The following ZMIZ1 variants were observed in gnomAD, a reference collection of about 807,000 sequenced individuals.
ZMIZ1 encodes zinc finger MIZ domain-containing protein 1.
A neutral mutation model predicts 113.9 loss-of-function variants in ZMIZ1; 17 were observed. The observed-to-expected ratio is 0.15, with a 90% CI of 0.10 to 0.22. The LOEUF is 0.22. ZMIZ1 is among the 10% of genes least tolerant of loss of function. The pLI, the probability that ZMIZ1 is intolerant of heterozygous loss-of-function variation, is 1.00. For missense variants in ZMIZ1, 1,059 were observed against 1,477.8 expected, an observed-to-expected ratio of 0.72 and a Z score of 4.65; for synonymous variants, 607 against 603.1, an observed-to-expected ratio of 1.01 and a Z score of -0.09.
At chr10:79,135,115 T>C (rs1017388548) in intron 2 of ZMIZ1, among the ~76,000 whole-genome samples, 3 of 152,184 alleles carry the variant, frequency 2.0e-5, no homozygotes, top group African/African-American at 7.2e-5. Context: ...CTGCACCTGG[T>C]TGATACATTT....
chr10:79,082,186 GC>G (rs76308266), intron 1 of ZMIZ1, among the ~76,000 whole-genome samples: 19,833 of 152,290 alleles, frequency 0.13, 1,418 homozygotes, highest in East Asian at 0.2. Flanking sequence ...CTCTGGCTGT[GC>G]CCACCAGAAA....
intron 1 of ZMIZ1, among the ~76,000 whole-genome samples, chr10:79,094,905 C>T (rs556030930): frequency 6.6e-6 from 1 of 151,730 alleles, no homozygotes; most frequent in African/African-American, 2.4e-5. Context: ...GCCACAGTTG[C>T]GCCACTGCAG....
At position 79,289,831 on chromosome 10, in the gene ZMIZ1, C is replaced by T; in HGVS notation, c.482C>T (p.Pro161Leu). 2 of 1,614,114 alleles carry T rather than the reference C, an allele frequency of 1.2e-6. No individual in the cohort carries two copies. The highest frequency in any genetic ancestry group is 1.7e-6 in the Non-Finnish European group (2 of 1,179,942). The change falls in exon 9 of 25, where the codon CCC becomes CTC. Residue 161 changes from proline to leucine, a missense_variant. Pro to Leu is a moderately conservative substitution (Grantham distance 98, BLOSUM62 -3). This residue lies in a region of ZMIZ1 where 272 missense variants were observed against 350.4 expected (regional missense o/e 0.78). Transcript: ENST00000334512. ...TGGCAGCAGAACACCAACCAGCCTC[C>T]CGGCTCCCTTTCCGTGGTCACCACG... ...VPWQQNTNQP[P>L]GSLSVVTTVW...
rs571716871 is a variant in ZMIZ1, at chr10:79,278,704, A to G, written c.425+1379A>G. ...GCACATCTTGCACCGCCCTTAATCC[A>G]TTTAACCCTTAGTGGACACAGCACA... On this transcript the variant is annotated intron_variant, in intron 8 of 24. Coordinates refer to ENST00000334512, the MANE Select transcript of ZMIZ1 (RefSeq NM_020338.4). Among the ~76,000 whole-genome samples the G allele has an allele frequency of 3.3e-4, 50 of 152,060 alleles. No individual in the cohort carries two copies. The South Asian group carries it at 9.0e-3, about 27-fold the overall frequency.
At chr10:79,157,572 T>C (rs703997) in intron 3 of ZMIZ1, among the ~76,000 whole-genome samples, 129,077 of 152,084 alleles carry the variant, frequency 0.85, 55,233 homozygotes, top group African/African-American at 0.94. Context: ...TGGAGCCTCC[T>C]CTGGTGGGTG....
chr10:79,262,971 G>A (rs1176867723), intron 7 of ZMIZ1, among the ~76,000 whole-genome samples: 10 of 152,370 alleles, frequency 6.6e-5, no homozygotes, highest in East Asian at 1.9e-4. Flanking sequence ...AAGTCAAGAC[G>A]TAGAAACATG....
At chr10:79,268,077 C>T (rs928854826) in intron 7 of ZMIZ1, among the ~76,000 whole-genome samples, 12 of 152,208 alleles carry the variant, frequency 7.9e-5, no homozygotes, top group African/African-American at 2.7e-4. Context: ...TAGGGGAGCA[C>T]GGCCTGGGCC....
chr10:79,312,854 A>C lies in ZMIZ1; in HGVS notation c.*105A>C. 1.9e-6 allele frequency: 2 copies of C among 1,080,084 alleles called. No homozygotes were observed. The highest frequency in any genetic ancestry group is 2.9e-5 in the South Asian group (2 of 69,912). 66.9% of individuals were successfully genotyped at this position (1,080,084 alleles called of 1,614,324 possible). A position where few individuals can be genotyped will look rare whatever the true frequency, so the allele number is the denominator to read the frequency against. On this transcript the variant is annotated 3_prime_UTR_variant, in exon 25 of 25. Transcript: ENST00000334512. ...GTGCCCTCAGACCGCCCCGCACCAG[A>C]GCCACGGGCTGTGGGGCGGGGAGCC...
rs770124067 is a variant in ZMIZ1 at position 79,296,161 on chromosome 10, G to A, written c.1231-310G>A. ...AGGCACCAGGAGAGACACAAAGGTC[G>A]GGGGAGTTAGAATCAGGCCCCTCAT... On this transcript the variant is annotated intron_variant, in intron 12 of 24. Coordinates refer to ENST00000334512, the MANE Select transcript of ZMIZ1 (RefSeq NM_020338.4). This position sits in a 1 kb window ranked among gnomAD's most constrained non-coding sequence, Gnocchi z 4.1. 1.6e-4 allele frequency: 63 copies of A among 398,874 alleles called. No homozygotes were observed. Among genetic ancestry groups the A allele is most frequent in the Non-Finnish European group, 2.4e-4 (53 of 219,028 alleles). The allele number at this position is 398,874 out of a possible 1,614,324, so 24.7% of individuals were successfully genotyped here.
intron 1 of ZMIZ1, among the ~76,000 whole-genome samples, chr10:79,074,273 A>G (rs989229203): frequency 4.4e-4 from 67 of 152,200 alleles, no homozygotes; most frequent in Admixed American, 9.8e-4. Flanking sequence ...CCACTGAGTG[A>G]GCGCTCCAGC....
intron 3 of ZMIZ1, among the ~76,000 whole-genome samples, chr10:79,153,441 A>G (rs1475165872): frequency 6.6e-6 from 1 of 152,234 alleles, no homozygotes; most frequent in Non-Finnish European, 1.5e-5. Context: ...CTGTATAAAC[A>G]AAATCCCAGT....
intron 4 of ZMIZ1, among the ~76,000 whole-genome samples, chr10:79,173,222 C>T (rs1401075398): frequency 2.0e-5 from 3 of 152,182 alleles, no homozygotes; most frequent in African/African-American, 4.8e-5. Context: ...ACACGTGGCT[C>T]AGGACGACTT....
chr10:79,228,081 T>G (rs115751025), intron 7 of ZMIZ1, among the ~76,000 whole-genome samples: 4 of 152,336 alleles, frequency 2.6e-5, no homozygotes, highest in African/African-American at 9.6e-5. Flanking sequence ...GGCTTCTGTC[T>G]CGCCAAGTCT....
intron 4 of ZMIZ1, among the ~76,000 whole-genome samples, chr10:79,187,069 T>A (rs910803473): frequency 6.6e-6 from 1 of 152,262 alleles, no homozygotes; most frequent in Non-Finnish European, 1.5e-5. Context: ...ACTGTTTGTC[T>A]GCCTTCACCT....
At chr10:79,101,839 G>A (rs752391993) in intron 1 of ZMIZ1, among the ~76,000 whole-genome samples, 6 of 152,196 alleles carry the variant, frequency 3.9e-5, no homozygotes, top group African/African-American at 4.8e-5. Context: ...AGATTCCACC[G>A]TTGTCCCTCC....
rs1445000591 is a variant in ZMIZ1 at position 79,296,638 on chromosome 10, G to A, written c.1398G>A (p.Met466Ile). 1.3e-6 allele frequency: 2 copies of A among 1,572,652 alleles called. No homozygotes were observed. Among genetic ancestry groups the A allele is most frequent in the Non-Finnish European group, 8.6e-7 (1 of 1,158,298 alleles). Residue 466 changes from methionine to isoleucine, a missense_variant, in exon 13 of 25, where the codon ATG becomes ATA. Physicochemically the swap from Met to Ile is conservative, Grantham distance 10. Around this residue, in one of 6 missense-constraint regions of ZMIZ1, gnomAD observed 239 missense variants for 247.5 expected, o/e 0.97. Transcript: ENST00000334512. The surrounding 1 kb of genome is among the most constrained non-coding windows in gnomAD (Gnocchi z 4.1). ...AGTACCCGCCCCCCACGGTCAACATGGGGCAGTATTACAAGGTGAGTCCCA... is the reference window on the plus strand; with the variant it reads ...AGTACCCGCCCCCCACGGTCAACATAGGGCAGTATTACAAGGTGAGTCCCA... ...SGQYPPPTVN[M>I]GQYYKPEQFN...
rs753312289 is a variant in ZMIZ1 at position 79,300,968 on chromosome 10, G to A, written c.2019+26G>A. 40 of 1,603,344 alleles carry A rather than the reference G, an allele frequency of 2.5e-5. No homozygotes were observed. The Admixed American group carries it at 5.7e-4, about 23-fold the overall frequency. On this transcript the variant is annotated intron_variant, in intron 17 of 24. Coordinates refer to ENST00000334512, the MANE Select transcript of ZMIZ1 (RefSeq NM_020338.4). Reference sequence around the variant, plus strand: ...GTGAGTGTGGTGGGCCAGGGGCAGCGTTGGCACAGGCAGGCCCTGTTTCAC... The same window carrying A: ...GTGAGTGTGGTGGGCCAGGGGCAGCATTGGCACAGGCAGGCCCTGTTTCAC...
At position 79,187,130 on chromosome 10, in the gene ZMIZ1, A is replaced by T. The variant is rs144129672; in HGVS notation, c.-49-14454A>T. 2.7e-3 allele frequency among the ~76,000 whole-genome samples: 418 copies of T among 152,204 alleles called. 1 individual carries two copies. The highest frequency in any genetic ancestry group is 4.9e-3 in the Non-Finnish European group (331 of 68,014). On this transcript the variant is annotated intron_variant, in intron 4 of 24. Coordinates refer to ENST00000334512, the MANE Select transcript of ZMIZ1 (RefSeq NM_020338.4). ...GATGTCATCTTACTCTTTTTGTTTA[A>T]TCCTTTCTTCCCCAGCCTCCTGCAA...
intron 1 of ZMIZ1, among the ~76,000 whole-genome samples, chr10:79,113,566 C>T (rs898212073): frequency 2.0e-5 from 3 of 152,232 alleles, no homozygotes; most frequent in Admixed American, 2.0e-4. Flanking sequence ...CCCAGGCCCC[C>T]ACCCCACAGG....
Sources: allele counts gnomAD v4.1 joint callset (sites outside exome capture counted in the v4.1 genomes callset), GRCh38; gene constraint gnomAD v4.1.1; regional missense constraint gnomAD v4.1.1; non-coding constraint Gnocchi (gnomAD v3.1); transcripts MANE v1.5; gene names NCBI Gene and HGNC (gene_info 2026-07-23, HGNC 2026-07-21).